KIDINS220: variants seen among roughly 807,000 people sequenced by gnomAD.
KIDINS220 encodes kinase D-interacting substrate of 220 kDa.
Under a neutral mutation model 157.6 loss-of-function variants are expected in KIDINS220, and 63 were observed. The observed-to-expected ratio is 0.40, with a 90% CI of 0.33 to 0.49. The LOEUF (loss-of-function observed/expected upper bound fraction) is 0.49. Among genes scored for constraint, KIDINS220 ranks in the 20% least tolerant of loss-of-function variants. The probability of loss-of-function intolerance (pLI) is 0.66; values close to 1 mark genes in which losing one functional copy is unlikely to be tolerated. For missense variants in KIDINS220, 1,772 were observed against 2,171.2 expected (o/e 0.82, Z 3.65); for synonymous variants, 732 against 783.6 (o/e 0.93, Z 1.10).
intron 22 of KIDINS220, among the ~76,000 whole-genome samples, chr2:8,762,757 A>G (rs567624985): frequency 6.6e-6 from 1 of 152,186 alleles, no homozygotes; most frequent in East Asian, 1.9e-4. Context: ...ACAAAAAAGA[A>G]GAAAAGAAAA....
rs554134557 is a variant in KIDINS220 at position 8,746,744 on chromosome 2, C to T, written c.3585+401G>A. ...TCTTTTTGTAGTCTCAAGGGTGATA[C>T]TGGATACTTTTCTAAAATATTCCAC... is the stretch of plus-strand genomic sequence containing the variant. On this transcript the variant is annotated intron_variant, in intron 26 of 29. Transcript: ENST00000256707. 19 of 170,794 alleles carry T rather than the reference C, an allele frequency of 1.1e-4. No homozygotes were observed. The South Asian group carries it at 2.8e-3, about 25-fold the overall frequency. 10.6% of individuals were successfully genotyped at this position (170,794 alleles called of 1,614,324 possible). A position where few individuals can be genotyped will look rare whatever the true frequency, so the allele number is the denominator to read the frequency against.
At chr2:8,771,230 G>C (rs935268798) in intron 21 of KIDINS220, among the ~76,000 whole-genome samples, 4 of 152,184 alleles carry the variant, frequency 2.6e-5, no homozygotes, top group Non-Finnish European at 5.9e-5. Context: ...CCTATTGATG[G>C]ACTATAAACA....
At chr2:8,733,711 C>A in intron 28 of KIDINS220, 31 bp from the exon 29 acceptor site, 2 of 1,309,130 alleles carry the variant, frequency 1.5e-6, no homozygotes, top group Non-Finnish European at 2.1e-6. Context: ...AATATTTACA[C>A]TAACAAATCA....
chr2:8,776,023 T>C (rs1670919661), intron 21 of KIDINS220, among the ~76,000 whole-genome samples: 1 of 152,176 alleles, frequency 6.6e-6, no homozygotes, highest in Non-Finnish European at 1.5e-5. Context: ...TACTAAAACA[T>C]TCCCATTGTT....
rs771687101 is a variant in KIDINS220, at chr2:8,731,323, C to G, written c.4713G>C (p.Glu1571Asp). The change falls in exon 30 of 30, where the codon GAG becomes GAC. Residue 1571 changes from glutamate (E) to aspartate (D), a missense_variant. Coordinates refer to ENST00000256707, the MANE Select transcript of KIDINS220 (RefSeq NM_020738.4). The surrounding 1 kb of genome is among the most constrained non-coding windows in gnomAD (Gnocchi z 5.2). Reference protein sequence around the residue: ...EPIRTFIKAKEYLSDALLDKK... With the variant: ...EPIRTFIKAKDYLSDALLDKK... ...TGTCAAGGAGCGCATCCGATAAATA[C>G]TCTTTGGCTTTAATGAAGGTTCTGA... The G allele has an allele frequency of 6.2e-7, 1 of 1,614,178 alleles. No homozygotes were observed.
intron 6 of KIDINS220, among the ~76,000 whole-genome samples, chr2:8,809,625 T>C (rs1156823998): frequency 6.6e-6 from 1 of 151,622 alleles, no homozygotes; most frequent in East Asian, 1.9e-4. Flanking sequence ...AGGCAAGCCC[T>C]GGATCACCGG....
intron 8 of KIDINS220, among the ~76,000 whole-genome samples, chr2:8,801,094 T>C (rs1674629073): frequency 6.6e-6 from 1 of 152,152 alleles, no homozygotes; most frequent in Admixed American, 6.6e-5. Flanking sequence ...CATGAGGACA[T>C]TGCTCTCCCC....
At chr2:8,835,378 G>A (rs903001199) in intron 1 of KIDINS220, among the ~76,000 whole-genome samples, 1 of 152,096 alleles carries the variant, frequency 6.6e-6, no homozygotes, top group Non-Finnish European at 1.5e-5. Context: ...ATGATCTGTG[G>A]CATGAAACTG....
rs1303626075 is a variant in KIDINS220 at position 8,786,357 on chromosome 2, C to T, written c.1788G>A (p.Arg596=). 6.2e-7 allele frequency: 1 copy of T among 1,609,682 alleles called. No homozygotes were observed. Among genetic ancestry groups the T allele is most frequent in the South Asian group, 1.1e-5 (1 of 90,194 alleles). Residue 596 remains arginine (R), a splice_region_variant and synonymous_variant, in exon 16 of 30, where the codon AGG becomes AGA. Coordinates refer to ENST00000256707, the MANE Select transcript of KIDINS220 (RefSeq NM_020738.4). The part of the protein sequence containing the change: ...PEQTTKALPV[R]FLFTDYNRLS... Reference sequence around the variant, plus strand: ...GTCTATTGTAATCTGTAAACAAAAACCTTGAAGAAAAGAACAAATCAAACA... The same window carrying T: ...GTCTATTGTAATCTGTAAACAAAAATCTTGAAGAAAAGAACAAATCAAACA...
chr2:8,744,391 ATAT>A (rs1666212673), intron 26 of KIDINS220, among the ~76,000 whole-genome samples: 2 of 27,292 alleles, frequency 7.3e-5, no homozygotes, highest in African/African-American at 3.6e-4. Context: ...AAAAAAAAAT[ATAT>A]ATATATAATA....
chr2:8,757,192 GGTTT>G (rs1668118769), intron 22 of KIDINS220: 2 of 880,928 alleles, frequency 2.3e-6, no homozygotes, highest in Non-Finnish European at 1.4e-6. Context: ...CAAAAAATAG[GGTTT>G]GTTTTTTCCC....
intron 25 of KIDINS220, 102 bp from the exon 26 acceptor site, chr2:8,747,303 C>T: frequency 1.0e-6 from 1 of 987,022 alleles, no homozygotes; most frequent in Non-Finnish European, 1.6e-6. Flanking sequence ...AACACTGAAA[C>T]TCAACAGTTT....
intron 15 of KIDINS220, among the ~76,000 whole-genome samples, chr2:8,786,763 T>C (rs1672455917): frequency 6.6e-6 from 1 of 152,076 alleles, no homozygotes. Flanking sequence ...CGAAAGAGAC[T>C]CTAACCCTGA....
intron 2 of KIDINS220, among the ~76,000 whole-genome samples, chr2:8,825,411 A>G (rs1031038915): frequency 7.4e-6 from 1 of 136,030 alleles, no homozygotes; most frequent in African/African-American, 2.7e-5. Flanking sequence ...CTATTGCCCA[A>G]CAATGGAGAA....
intron 13 of KIDINS220, 90 bp from the exon 14 acceptor site, chr2:8,790,149 T>TGA: frequency 1.6e-6 from 2 of 1,227,536 alleles, no homozygotes; most frequent in Non-Finnish European, 2.3e-6. Flanking sequence ...ATTTTCAATG[T>TGA]AAACATTTAT....
intron 12 of KIDINS220, among the ~76,000 whole-genome samples, chr2:8,793,422 G>A (rs1296876045): frequency 6.6e-6 from 1 of 152,150 alleles, no homozygotes; most frequent in African/African-American, 2.4e-5. Flanking sequence ...CTTAAGCCCA[G>A]GAATTTGAGG....
intron 25 of KIDINS220, chr2:8,747,596 A>G (rs1666764374): frequency 3.2e-6 from 1 of 317,062 alleles, no homozygotes; most frequent in Non-Finnish European, 5.7e-6. Flanking sequence ...AAATTACCAA[A>G]TGTAAAGGCT....
Position 8,729,689 on chromosome 2 carries a change from T to C in KIDINS220, c.*1031A>G. On this transcript the variant is annotated 3_prime_UTR_variant, in exon 30 of 30. Coordinates refer to ENST00000256707, the MANE Select transcript of KIDINS220 (RefSeq NM_020738.4). ...CTTCCCCAGAACTAACATGCTGACT[T>C]AGGAACAGATGAAGTAGATAAAGTC... The C allele has an allele frequency of 1.0e-6, 1 of 985,136 alleles. No individual in the cohort carries two copies. Among genetic ancestry groups the C allele is most frequent in the Non-Finnish European group, 1.2e-6 (1 of 829,660 alleles). 61.0% of individuals were successfully genotyped at this position (985,136 alleles called of 1,614,324 possible).
At chr2:8,818,889 T>A in intron 2 of KIDINS220, 96 bp from the exon 3 acceptor site, 1 of 599,344 alleles carries the variant, frequency 1.7e-6, no homozygotes, top group Non-Finnish European at 2.9e-6. Context: ...TGAATGTATG[T>A]TAAGCATTGT....
Sources: allele counts gnomAD v4.1 joint callset (sites outside exome capture counted in the v4.1 genomes callset), GRCh38; gene constraint gnomAD v4.1.1; non-coding constraint Gnocchi (gnomAD v3.1); transcripts MANE v1.5; gene names NCBI Gene and HGNC (gene_info 2026-07-23, HGNC 2026-07-21).